XYLT1: variants seen among roughly 807,000 people sequenced by gnomAD.
The protein encoded by XYLT1 is beta-D-xylosyltransferase 1.
A neutral mutation model predicts 91.3 loss-of-function variants in XYLT1; 36 were observed. The ratio of observed to expected loss-of-function variants is 0.39; its 90% confidence interval spans 0.30 to 0.52. The LOEUF (loss-of-function observed/expected upper bound fraction) is 0.52, where lower values mean the gene tolerates loss of function less well. XYLT1 is among the 20% of genes least tolerant of loss of function. The pLI is 0.68. For missense variants in XYLT1, 1,242 were observed against 1,284.5 expected (o/e 0.97, Z 0.51); for synonymous variants, 588 against 532.0 (o/e 1.11, Z -1.45).
intron 11 of XYLT1, among the ~76,000 whole-genome samples, chr16:17,112,708 C>G (rs572535125): frequency 1.1e-4 from 16 of 152,298 alleles, no homozygotes; most frequent in Admixed American, 7.2e-4. Flanking sequence ...GAGGGGCTGT[C>G]TTTTGCCTGG....
At chr16:17,131,873 G>C (rs998216147) in intron 9 of XYLT1, among the ~76,000 whole-genome samples, 1 of 152,106 alleles carries the variant, frequency 6.6e-6, no homozygotes, top group African/African-American at 2.4e-5. Flanking sequence ...AGGGTCTTTT[G>C]TCCTGATTTA....
chr16:17,156,905 A>G (rs2031419649), intron 6 of XYLT1, among the ~76,000 whole-genome samples: 1 of 152,060 alleles, frequency 6.6e-6, no homozygotes, highest in South Asian at 2.1e-4. Context: ...TCAAAGTTTC[A>G]ATTTAGAAAA....
intron 2 of XYLT1, among the ~76,000 whole-genome samples, chr16:17,277,304 C>G (rs2033991990): frequency 6.6e-6 from 1 of 151,962 alleles, no homozygotes; most frequent in Non-Finnish European, 1.5e-5. Flanking sequence ...TGATTGACCA[C>G]TTCACCCAGG....
intron 1 of XYLT1, among the ~76,000 whole-genome samples, chr16:17,426,765 A>G (rs2036323789): frequency 1.3e-5 from 2 of 152,214 alleles, no homozygotes; most frequent in African/African-American, 2.4e-5. Flanking sequence ...TAAGCCTACA[A>G]TATTTCCTGT....
At chr16:17,317,680 T>A (rs2034657246) in intron 2 of XYLT1, among the ~76,000 whole-genome samples, 1 of 148,526 alleles carries the variant, frequency 6.7e-6, no homozygotes, top group South Asian at 2.1e-4. Flanking sequence ...CTAGTATTTA[T>A]GGTATGCAGT....
chr16:17,436,531 T>C (rs1194226440), intron 1 of XYLT1, among the ~76,000 whole-genome samples: 1 of 152,202 alleles, frequency 6.6e-6, no homozygotes, highest in African/African-American at 2.4e-5. Flanking sequence ...CTGAATTTGA[T>C]CATCTTATTT....
At chr16:17,382,764 C>G in intron 1 of XYLT1, among the ~76,000 whole-genome samples, 1 of 151,992 alleles carries the variant, frequency 6.6e-6, no homozygotes, top group Middle Eastern at 3.4e-3. Flanking sequence ...CTCCAGATAA[C>G]GGTCCCCATA....
intron 10 of XYLT1, among the ~76,000 whole-genome samples, chr16:17,123,143 T>C (rs766822291): frequency 5.3e-5 from 8 of 152,242 alleles, no homozygotes; most frequent in Non-Finnish European, 1.2e-4. Flanking sequence ...GGGAATTGCA[T>C]TGAATTTGTA....
rs1367326593 is a variant in XYLT1, at chr16:17,470,683, G to C, written c.114C>G (p.Leu38=). Residue 38 remains leucine, a synonymous_variant, in exon 1 of 12, where the codon CTC becomes CTG. Coordinates refer to ENST00000261381, the MANE Select transcript of XYLT1 (RefSeq NM_022166.4). The part of the protein sequence containing the change: ...QTLVVWNFSS[L]DSGAGERRGG... ...CGCGGCGCTCCCCGGCCCCGGAGTC[G>C]AGGCTGCTGAAATTCCACACGACCA... The C allele has an allele frequency of 8.6e-7, 1 of 1,159,012 alleles. No individual in the cohort carries two copies. The highest frequency in any genetic ancestry group is 1.1e-6 in the Non-Finnish European group (1 of 922,286). 71.8% of individuals were successfully genotyped at this position (1,159,012 alleles called of 1,614,324 possible).
chr16:17,418,990 A>G (rs1037749301), intron 1 of XYLT1, among the ~76,000 whole-genome samples: 1 of 152,034 alleles, frequency 6.6e-6, no homozygotes, highest in African/African-American at 2.4e-5. Flanking sequence ...CTGTGTTCCA[A>G]TAAAGCTTTA....
Position 17,139,983 on chromosome 16 carries a change from C to T in XYLT1, c.1587+1170G>A, listed in dbSNP as rs192706959. Among the ~76,000 whole-genome samples, 38 of 152,168 alleles carry T rather than the reference C, an allele frequency of 2.5e-4. No individual in the cohort carries two copies. The South Asian group carries it at 2.7e-3, about 11-fold the overall frequency. ...GAAACACACATAACCTATGTGGTCC[C>T]GGGAAGGAACAAGGGACCGTTCATG... On this transcript the variant is annotated intron_variant, in intron 7 of 11. Coordinates refer to ENST00000261381, the MANE Select transcript of XYLT1 (RefSeq NM_022166.4).
intron 3 of XYLT1, among the ~76,000 whole-genome samples, chr16:17,221,363 G>A (rs577207616): frequency 2.6e-5 from 4 of 152,144 alleles, no homozygotes; most frequent in East Asian, 3.9e-4. Context: ...GAGTGTTTTC[G>A]GTTGGTTGGT....
intron 3 of XYLT1, among the ~76,000 whole-genome samples, chr16:17,226,095 T>C (rs112002004): frequency 0.027 from 4,065 of 152,306 alleles, 71 homozygotes; most frequent in Admixed American, 0.039. Flanking sequence ...AGAACTATTA[T>C]CCTTGGAGGC....
At chr16:17,413,693 C>A (rs1216159935) in intron 1 of XYLT1, among the ~76,000 whole-genome samples, 2 of 152,076 alleles carry the variant, frequency 1.3e-5, no homozygotes, top group Non-Finnish European at 2.9e-5. Flanking sequence ...CTGCCTTAGC[C>A]TCCCAAAGTG....
At chr16:17,283,534 TAG>T (rs2034089877) in intron 2 of XYLT1, among the ~76,000 whole-genome samples, 1 of 152,236 alleles carries the variant, frequency 6.6e-6, no homozygotes, top group Non-Finnish European at 1.5e-5. Context: ...CTTGACATTC[TAG>T]AGTCTTTGAA....
chr16:17,334,569 C>G (rs572057370), intron 2 of XYLT1, among the ~76,000 whole-genome samples: 2 of 152,076 alleles, frequency 1.3e-5, no homozygotes, highest in South Asian at 4.2e-4. Context: ...TTTCTACTAA[C>G]CACCCAGGAA....
intron 2 of XYLT1, among the ~76,000 whole-genome samples, chr16:17,315,335 T>C (rs947208749): frequency 2.0e-4 from 30 of 152,260 alleles, no homozygotes; most frequent in Admixed American, 5.9e-4. Context: ...GCACATGTTC[T>C]TCCCCCTACT....
chr16:17,202,094 T>C (rs1312695227), intron 3 of XYLT1, among the ~76,000 whole-genome samples: 1 of 152,200 alleles, frequency 6.6e-6, no homozygotes, highest in African/African-American at 2.4e-5. Context: ...AAACACAGCT[T>C]CCTAGTTTAG....
At chr16:17,420,730 G>A (rs552220910) in intron 1 of XYLT1, among the ~76,000 whole-genome samples, 1 of 152,192 alleles carries the variant, frequency 6.6e-6, no homozygotes, top group East Asian at 1.9e-4. Flanking sequence ...TATTGAATGT[G>A]TGTGCATGTC....
Sources: allele counts gnomAD v4.1 joint callset (sites outside exome capture counted in the v4.1 genomes callset), GRCh38; gene constraint gnomAD v4.1.1; transcripts MANE v1.5; gene names NCBI Gene and HGNC (gene_info 2026-07-23, HGNC 2026-07-21).